Variants in FBXL20 observed in about 807,000 individuals in gnomAD.
FBXL20 encodes the protein F-box and leucine rich repeat protein 20.
A neutral mutation model predicts 64.0 loss-of-function variants in FBXL20; 11 were observed. The ratio of observed to expected loss-of-function variants is 0.17; its 90% CI spans 0.11 to 0.28. The LOEUF (loss-of-function observed/expected upper bound fraction) is 0.28, where lower values mean the gene tolerates loss of function less well. FBXL20 is among the 10% of genes least tolerant of loss of function. The pLI is 1.00. For synonymous variants in FBXL20, 184 were observed against 189.0 expected, an observed-to-expected ratio of 0.97 and a Z score of 0.22; for missense variants, 303 against 526.2, an observed-to-expected ratio of 0.58 and a Z score of 4.15.
At chr17:39,314,861 G>T (rs568895696) in intron 2 of FBXL20, among the ~76,000 whole-genome samples, 1 of 141,390 alleles carries the variant, frequency 7.1e-6, no homozygotes, top group Non-Finnish European at 1.5e-5. Flanking sequence ...GCAGTGGCAC[G>T]ATCTCAGCTC....
At chr17:39,267,824 G>A (rs946764509) in intron 12 of FBXL20, among the ~76,000 whole-genome samples, 3 of 152,018 alleles carry the variant, frequency 2.0e-5, no homozygotes, top group Non-Finnish European at 4.4e-5. Flanking sequence ...ACACTGGAAG[G>A]GACATAGAGG....
At chr17:39,315,413 A>T (rs1038745276) in intron 2 of FBXL20, among the ~76,000 whole-genome samples, 13 of 148,878 alleles carry the variant, frequency 8.7e-5, no homozygotes, top group Non-Finnish European at 1.6e-4. Context: ...ATATATATAT[A>T]GTACATGTCT....
intron 1 of FBXL20, among the ~76,000 whole-genome samples, chr17:39,362,102 A>G (rs566467795): frequency 2.4e-4 from 37 of 151,672 alleles, no homozygotes; most frequent in African/African-American, 9.0e-4. Flanking sequence ...CCTGGCTAAC[A>G]CGGTGAAACC....
chr17:39,283,033 A>G lies in FBXL20; in HGVS notation c.495-178T>C, dbSNP rs373044456. ...ATCGATGTGGTATTCACATGGGACTATACCATTAGCAGGAACATCTAAAAT... is the reference window on the plus strand; with the variant it reads ...ATCGATGTGGTATTCACATGGGACTGTACCATTAGCAGGAACATCTAAAAT... On this transcript the variant is annotated intron_variant, in intron 7 of 14. Coordinates refer to ENST00000264658, the MANE Select transcript of FBXL20 (RefSeq NM_032875.3). Among the ~76,000 whole-genome samples, 122 of 152,368 alleles carry G rather than the reference A, an allele frequency of 8.0e-4. 1 individual carries two copies. The highest frequency in any genetic ancestry group is 2.9e-3 in the African/African-American group (119 of 41,594).
chr17:39,373,075 C>T (rs2047934016), intron 1 of FBXL20, among the ~76,000 whole-genome samples: 3 of 151,692 alleles, frequency 2.0e-5, no homozygotes, highest in Non-Finnish European at 2.9e-5. Context: ...TGTGGCTTCA[C>T]ATCGTCTATA....
intron 2 of FBXL20, among the ~76,000 whole-genome samples, chr17:39,319,086 T>C (rs1021362984): frequency 6.6e-6 from 1 of 151,686 alleles, no homozygotes; most frequent in Non-Finnish European, 1.5e-5. Flanking sequence ...CCGTCTCTAC[T>C]AAAAATACAA....
chr17:39,350,314 AC>A (rs1457435230), intron 1 of FBXL20, among the ~76,000 whole-genome samples: 1 of 151,920 alleles, frequency 6.6e-6, no homozygotes, highest in Non-Finnish European at 1.5e-5. Context: ...ACATGGAGAA[AC>A]CCCATCTCTA....
intron 1 of FBXL20, among the ~76,000 whole-genome samples, chr17:39,381,626 C>G (rs2048024161): frequency 6.6e-6 from 1 of 151,884 alleles, no homozygotes; most frequent in African/African-American, 2.4e-5. Flanking sequence ...CCCGTGTCTA[C>G]AAATAAATAC....
At chr17:39,395,042 T>C (rs1481862801) in intron 1 of FBXL20, among the ~76,000 whole-genome samples, 1 of 152,144 alleles carries the variant, frequency 6.6e-6, no homozygotes, top group Non-Finnish European at 1.5e-5. Flanking sequence ...AAGAGATGGA[T>C]TTTTTTAAAA....
intron 2 of FBXL20, among the ~76,000 whole-genome samples, chr17:39,307,462 T>C (rs1246508977): frequency 6.6e-6 from 1 of 152,164 alleles, no homozygotes; most frequent in Non-Finnish European, 1.5e-5. Flanking sequence ...CAAACGAATG[T>C]TTGAAGATCA....
intron 3 of FBXL20, among the ~76,000 whole-genome samples, chr17:39,302,307 C>A (rs145893064): frequency 1.5e-3 from 220 of 151,696 alleles, no homozygotes; most frequent in African/African-American, 5.2e-3. Flanking sequence ...ACCTCCCCGA[C>A]TCAAGCAATC....
chr17:39,374,384 AAATT>A (rs2047947285), intron 1 of FBXL20, among the ~76,000 whole-genome samples: 1 of 151,772 alleles, frequency 6.6e-6, no homozygotes, highest in Non-Finnish European at 1.5e-5. Context: ...CAAAAAAAAA[AAATT>A]AATCAGGCCT....
At chr17:39,275,629 C>T (rs1160200490) in intron 9 of FBXL20, among the ~76,000 whole-genome samples, 3 of 151,458 alleles carry the variant, frequency 2.0e-5, no homozygotes, top group Admixed American at 6.6e-5. Context: ...AGGCTGGTCT[C>T]GAATTCCTGG....
At position 39,270,789 on chromosome 17, in the gene FBXL20, T is replaced by C. The variant is rs1597763151; in HGVS notation, c.888+7A>G. The C allele has an allele frequency of 6.2e-7, 1 of 1,604,280 alleles. No individual in the cohort carries two copies. Among genetic ancestry groups the C allele is most frequent in the African/African-American group, 1.4e-5 (1 of 73,670 alleles). ...ACAAACCTATGGAACCTAAAGAAAA[T>C]ACTTACCCTGGCTAGAGTGGTAAAG... On this transcript the variant is annotated splice_region_variant and intron_variant, in intron 11 of 14. Coordinates refer to ENST00000264658, the MANE Select transcript of FBXL20 (RefSeq NM_032875.3).
At position 39,264,382 on chromosome 17, in the gene FBXL20, C is replaced by A. The variant is rs200521468; in HGVS notation, c.996G>T (p.Leu332=). 1.4e-5 allele frequency: 22 copies of A among 1,612,512 alleles called. No individual in the cohort carries two copies. The African/African-American group carries it at 2.8e-4, about 21-fold the overall frequency. ...IHCPRLQVLS[L]SHCELITDDG... ...CATCTGTGATCAGCTCACAGTGAGACAGACTCTGCAGCCAAATAGAGCAAG... is the reference window on the plus strand; with the variant it reads ...CATCTGTGATCAGCTCACAGTGAGAAAGACTCTGCAGCCAAATAGAGCAAG... Residue 332 remains leucine, a synonymous_variant, in exon 14 of 15, where the codon CTG becomes CTT. Transcript: ENST00000264658.
At chr17:39,285,418 AT>A (rs1272240876) in intron 7 of FBXL20, 59 bp downstream of exon 7, 2 of 1,159,402 alleles carry the variant, frequency 1.7e-6, no homozygotes, top group Non-Finnish European at 2.4e-6. Flanking sequence ...TATATCAATT[AT>A]TTTTTTAAAA....
intron 1 of FBXL20, among the ~76,000 whole-genome samples, chr17:39,347,622 T>G (rs1196838426): frequency 6.6e-6 from 1 of 152,248 alleles, no homozygotes; most frequent in African/African-American, 2.4e-5. Context: ...TGTAAAAATT[T>G]TCTCCCATTC....
intron 1 of FBXL20, among the ~76,000 whole-genome samples, chr17:39,378,846 G>C (rs2047995390): frequency 6.6e-6 from 1 of 151,466 alleles, no homozygotes; most frequent in Non-Finnish European, 1.5e-5. Flanking sequence ...CCTGACCTCA[G>C]GTGATCCGCC....
intron 2 of FBXL20, among the ~76,000 whole-genome samples, chr17:39,340,361 C>CTAG (rs1481138027): frequency 1.3e-5 from 2 of 152,180 alleles, no homozygotes; most frequent in Non-Finnish European, 2.9e-5. Flanking sequence ...TCCCAAAGTG[C>CTAG]TAGGATCACA....
Sources: allele counts gnomAD v4.1 joint callset (sites outside exome capture counted in the v4.1 genomes callset), GRCh38; gene constraint gnomAD v4.1.1; transcripts MANE v1.5; gene names NCBI Gene and HGNC (gene_info 2026-07-23, HGNC 2026-07-21).